The following CD200R1L variants were observed in gnomAD, a reference collection of about 807,000 sequenced individuals.
CD200R1L encodes the protein CD200 receptor 1 like.
A neutral mutation model predicts 24.8 loss-of-function variants in CD200R1L; 14 were observed. That is an observed-to-expected ratio of 0.56 (90% CI 0.37 to 0.88). The LOEUF (loss-of-function observed/expected upper bound fraction) is 0.88. Among genes scored for constraint, CD200R1L ranks in the 40% least tolerant of loss-of-function variants. The pLI, the probability that CD200R1L is intolerant of heterozygous loss-of-function variation, is 0.00. For missense variants in CD200R1L, 299 were observed against 297.8 expected (o/e 1.00, Z -0.03); for synonymous variants, 111 against 109.2 (o/e 1.02, Z -0.11).
At chr3:112,819,015 A>G (rs1343036292) in intron 7 of CD200R1L, among the ~76,000 whole-genome samples, 1 of 152,238 alleles carries the variant, frequency 6.6e-6, no homozygotes, top group Non-Finnish European at 1.5e-5. Context: ...CAAGAAACTT[A>G]CAATCATGGC....
At chr3:112,821,729 A>G (rs7642393) in intron 6 of CD200R1L, among the ~76,000 whole-genome samples, 43,847 of 152,096 alleles carry the variant, frequency 0.29, 7,622 homozygotes, top group African/African-American at 0.48. Context: ...GAACTTCTAA[A>G]TTAATTGAGA....
At chr3:112,844,838 C>G (rs1366688448) in intron 2 of CD200R1L, among the ~76,000 whole-genome samples, 2 of 152,070 alleles carry the variant, frequency 1.3e-5, no homozygotes, top group Non-Finnish European at 2.9e-5. Flanking sequence ...GCAAGAGACT[C>G]TCTTGAACCC....
chr3:112,823,045 CAGAAA>C (rs1045411739), intron 6 of CD200R1L, among the ~76,000 whole-genome samples: 1 of 152,126 alleles, frequency 6.6e-6, no homozygotes, highest in Non-Finnish European at 1.5e-5. Context: ...ACAAACTGTA[CAGAAA>C]AGAAAACAAA....
chr3:112,838,276 A>G (rs1191234082), intron 2 of CD200R1L, among the ~76,000 whole-genome samples: 1 of 152,192 alleles, frequency 6.6e-6, no homozygotes, highest in Non-Finnish European at 1.5e-5. Context: ...ATAACAGATC[A>G]GTCTGTACCA....
At chr3:112,836,592 C>T (rs922827657) in intron 3 of CD200R1L, among the ~76,000 whole-genome samples, 5 of 152,218 alleles carry the variant, frequency 3.3e-5, no homozygotes, top group Non-Finnish European at 5.9e-5. Flanking sequence ...CCTAATTTCA[C>T]TAGGATGTTT....
chr3:112,825,014 G>A (rs1938624743), intron 6 of CD200R1L, among the ~76,000 whole-genome samples: 2 of 152,174 alleles, frequency 1.3e-5, no homozygotes. Context: ...CAGGCGGGCG[G>A]ATCACCAGAT....
At chr3:112,820,256 AT>A (rs1270635455) in intron 6 of CD200R1L, among the ~76,000 whole-genome samples, 2 of 152,182 alleles carry the variant, frequency 1.3e-5, no homozygotes, top group African/African-American at 4.8e-5. Flanking sequence ...TACTCTTAAT[AT>A]TTGGGGTTTG....
chr3:112,827,208 T>G lies in CD200R1L; in HGVS notation c.401A>C (p.Asn134Thr). The G allele has an allele frequency of 6.2e-7, 1 of 1,613,218 alleles. No individual in the cohort carries two copies. The highest frequency in any genetic ancestry group is 8.5e-7 in the Non-Finnish European group (1 of 1,179,798). ...AACTGCCTTGCATACTGCAGTTATATTCCTGCTTTGAAATAGGTTCACTTC... is the reference window on the plus strand; with the variant it reads ...AACTGCCTTGCATACTGCAGTTATAGTCCTGCTTTGAAATAGGTTCACTTC... ...TPEVNLFQSR[N>T]ITAVCKAVTG... Residue 134 changes from asparagine to threonine, a missense_variant, in exon 6 of 8, where the codon AAT (asparagine) becomes ACT (threonine). By Grantham distance (65) the Asn-to-Thr change is moderately conservative. Transcript: ENST00000488794.
intron 6 of CD200R1L, among the ~76,000 whole-genome samples, chr3:112,820,793 C>T (rs959984127): frequency 6.6e-6 from 1 of 151,686 alleles, no homozygotes; most frequent in Non-Finnish European, 1.5e-5. Context: ...TGTGGTGGCT[C>T]ACACCTGTAA....
At chr3:112,829,224 CA>C (rs1453875056) in intron 4 of CD200R1L, 94 bp downstream of exon 4, 1 of 922,472 alleles carries the variant, frequency 1.1e-6, no homozygotes, top group East Asian at 2.5e-5. Flanking sequence ...CAAGTAGTCA[CA>C]AGGCTGGCCT....
At chr3:112,818,946 G>A (rs980944159) in intron 7 of CD200R1L, among the ~76,000 whole-genome samples, 4 of 152,136 alleles carry the variant, frequency 2.6e-5, no homozygotes, top group Admixed American at 2.0e-4. Flanking sequence ...CTGAGACCGG[G>A]TAATTTACGA....
At chr3:112,825,187 C>A (rs1362455480) in intron 6 of CD200R1L, among the ~76,000 whole-genome samples, 1 of 150,806 alleles carries the variant, frequency 6.6e-6, no homozygotes, top group Non-Finnish European at 1.5e-5. Flanking sequence ...TGCAGTGAGC[C>A]GAGATTGCAC....
In CD200R1L at chr3:112,827,458, A is replaced by G. The variant is rs762000984; in HGVS notation, c.276T>C (p.Arg92=). The change falls in exon 5 of 8, where the codon CGT becomes CGC. Residue 92 remains arginine (R), a synonymous_variant. Coordinates refer to ENST00000488794, the MANE Select transcript of CD200R1L (RefSeq NM_001199215.3). ...ACCCGTCATGAGTGGTGTCCACCGG[A>G]CGAATCTGAAGGTCCGAATTCTGAT... ...RPDQNSDLQI[R]PVDTTHDGYY... 7 of 1,614,192 alleles carry G rather than the reference A, an allele frequency of 4.3e-6. No individual in the cohort carries two copies. The highest frequency in any genetic ancestry group is 5.9e-6 in the Non-Finnish European group (7 of 1,180,024).
chr3:112,829,560 A>T (rs1293748174), intron 3 of CD200R1L, 176 bp from the exon 4 acceptor site: 1 of 899,022 alleles, frequency 1.1e-6, no homozygotes, highest in Non-Finnish European at 1.3e-6. Context: ...AGGAAAAAAC[A>T]TGTTAACATC....
In CD200R1L at chr3:112,827,425, T is replaced by C. The variant is rs1387673685; in HGVS notation, c.309A>G (p.Arg103=). 1 of 1,614,170 alleles carries C rather than the reference T, an allele frequency of 6.2e-7. No individual in the cohort carries two copies. Among genetic ancestry groups the C allele is most frequent in the Admixed American group, 1.7e-5 (1 of 60,024 alleles). The change falls in exon 5 of 8, where the codon AGA becomes AGG. Residue 103 remains arginine, a synonymous_variant. Coordinates refer to ENST00000488794, the MANE Select transcript of CD200R1L (RefSeq NM_001199215.3). ...TCCCATCAGGTGTTACCACTATGCC[T>C]CTGTAATACCCGTCATGAGTGGTGT... ...PVDTTHDGYY[R]GIVVTPDGNF... is the part of the protein sequence containing the mutation.
chr3:112,836,947 T>C (rs1173445512), intron 3 of CD200R1L, among the ~76,000 whole-genome samples: 3 of 152,224 alleles, frequency 2.0e-5, no homozygotes, highest in Non-Finnish European at 4.4e-5. Context: ...GAAAACTAAA[T>C]GACATAAAAA....
chr3:112,837,934 C>T lies in CD200R1L; in HGVS notation c.-18+8G>A, dbSNP rs1459740335. The T allele has an allele frequency of 2.6e-6, 3 of 1,176,100 alleles. No homozygotes were observed. The highest frequency in any genetic ancestry group is 1.3e-4 in the East Asian group (2 of 15,212). 72.9% of individuals were successfully genotyped at this position (1,176,100 alleles called of 1,614,324 possible). ...TCAAACTGGTTATTAAGTAAGTGAG[C>T]ATTTTACCTTCATTAAGACGTATTC... On this transcript the variant is annotated splice_region_variant and intron_variant, in intron 3 of 7. Transcript: ENST00000488794.
At chr3:112,843,717 A>G (rs1197090212) in intron 2 of CD200R1L, among the ~76,000 whole-genome samples, 1 of 152,224 alleles carries the variant, frequency 6.6e-6, no homozygotes, top group Admixed American at 6.5e-5. Context: ...TTAATATGGA[A>G]TTAACCTAAA....
At chr3:112,829,752 G>A (rs976572460) in intron 3 of CD200R1L, among the ~76,000 whole-genome samples, 1 of 152,122 alleles carries the variant, frequency 6.6e-6, no homozygotes, top group African/African-American at 2.4e-5. Flanking sequence ...TCCAAATGCT[G>A]GAGACAGCAT....
Sources: allele counts gnomAD v4.1 joint callset (sites outside exome capture counted in the v4.1 genomes callset), GRCh38; gene constraint gnomAD v4.1.1; transcripts MANE v1.5; gene names NCBI Gene and HGNC (gene_info 2026-07-23, HGNC 2026-07-21).